The following SRGAP2 variants were observed in gnomAD, a reference collection of about 807,000 sequenced individuals.
SRGAP2 encodes SLIT-ROBO Rho GTPase-activating protein 2.
A neutral mutation model predicts 57.2 loss-of-function variants in SRGAP2; 15 were observed. The ratio of observed to expected loss-of-function variants is 0.26; its 90% CI spans 0.18 to 0.40. The LOEUF is 0.40. Ranked by LOEUF, SRGAP2 falls within the 10% of genes least tolerant of loss-of-function variation. The pLI, the probability that SRGAP2 is intolerant of heterozygous loss-of-function variation, is 1.00. For missense variants in SRGAP2, 520 were observed against 669.6 expected (o/e 0.78, Z 2.47); for synonymous variants, 249 against 248.0 (o/e 1.00, Z -0.04).
In SRGAP2 at chr1:206,304,669, G is replaced by A. The variant is rs1392777419; in HGVS notation, c.260+1196G>A. ...ATCTGCCTGCTCCATTGTGATCGGA[G>A]TTAATCTTCCTGGAACACACTGGCG... On this transcript the variant is annotated intron_variant, in intron 3 of 22. Transcript: ENST00000573034. Among the ~76,000 whole-genome samples the A allele has an allele frequency of 6.0e-5, 9 of 149,204 alleles. No homozygotes were observed. The South Asian group carries it at 1.9e-3, about 32-fold the overall frequency.
At chr1:206,426,700 G>T (rs1660829659) in intron 13 of SRGAP2, among the ~76,000 whole-genome samples, 2 of 152,196 alleles carry the variant, frequency 1.3e-5, no homozygotes, top group South Asian at 4.2e-4. Context: ...TTAAAAATTT[G>T]CATTTCTTAT....
rs1676644483 is a variant in SRGAP2 at position 206,358,622 on chromosome 1, C to T, written c.423+15614C>T. On this transcript the variant is annotated intron_variant, in intron 4 of 22. Coordinates refer to ENST00000573034, the MANE Select transcript of SRGAP2 (RefSeq NM_015326.5). ...TAGAAAAAGCATTCTCTTTTTGCTGCTCTCAGAGTCAGTGGTCTTTCTGGA... is the reference window on the plus strand; with the variant it reads ...TAGAAAAAGCATTCTCTTTTTGCTGTTCTCAGAGTCAGTGGTCTTTCTGGA... Among the ~76,000 whole-genome samples the T allele has an allele frequency of 2.7e-5, 4 of 150,042 alleles. No individual in the cohort carries two copies. In the South Asian group the frequency reaches 8.4e-4, roughly 32 times the overall value.
chr1:206,290,493 T>C (rs1217855779), intron 2 of SRGAP2, among the ~76,000 whole-genome samples: 1 of 151,444 alleles, frequency 6.6e-6, no homozygotes, highest in East Asian at 1.9e-4. Context: ...TACAAAAAAA[T>C]TGGCCCGGCG....
At chr1:206,339,791 C>CT (rs1320772678) in intron 3 of SRGAP2, among the ~76,000 whole-genome samples, 18 of 149,852 alleles carry the variant, frequency 1.2e-4, no homozygotes, top group South Asian at 2.1e-4. Context: ...GTTCTTTTTT[C>CT]TTTTTTTTCT....
At position 206,458,373 on chromosome 1, in the gene SRGAP2, A is replaced by G. The variant is rs1553379143; in HGVS notation, c.2508-250A>G. 5.9e-6 allele frequency: 4 copies of G among 673,878 alleles called. No homozygotes were observed. The Admixed American group carries it at 6.2e-5, about 10-fold the overall frequency. 41.7% of individuals were successfully genotyped at this position (673,878 alleles called of 1,614,324 possible). On this transcript the variant is annotated intron_variant, in intron 21 of 22. Transcript: ENST00000573034. ...TAATCAGACATTTTTTCTGACAGCA[A>G]CTTACATCTTGACAACACAAAGCCC...
intron 14 of SRGAP2, among the ~76,000 whole-genome samples, chr1:206,435,726 C>T (rs965951826): frequency 9.8e-5 from 15 of 152,328 alleles, no homozygotes; most frequent in African/African-American, 3.6e-4. Context: ...CTGACTATCA[C>T]TCATCAATCC....
chr1:206,254,710 G>A (rs1669079219), intron 2 of SRGAP2, among the ~76,000 whole-genome samples: 1 of 150,058 alleles, frequency 6.7e-6, no homozygotes, highest in South Asian at 2.1e-4. Flanking sequence ...ATTCCTTTTA[G>A]TAGAGAACAC....
Position 206,257,806 on chromosome 1 carries a change from A to C in SRGAP2, c.68-45475A>C, listed in dbSNP as rs1355121935. 3.6e-5 allele frequency among the ~76,000 whole-genome samples: 5 copies of C among 138,542 alleles called. No individual in the cohort carries two copies. The South Asian group carries it at 1.3e-3, about 36-fold the overall frequency. 90.9% of individuals were successfully genotyped at this position (138,542 alleles called of 152,430 possible). On this transcript the variant is annotated intron_variant, in intron 2 of 22. Transcript: ENST00000573034. Reference sequence around the variant, plus strand: ...ATATTTTTTCAGATGGTGATAAGTAATTTGAAAAAATAAATAAATAGAGCT... The same window carrying C: ...ATATTTTTTCAGATGGTGATAAGTACTTTGAAAAAATAAATAAATAGAGCT...
intron 10 of SRGAP2, among the ~76,000 whole-genome samples, chr1:206,415,396 T>C (rs1659605117): frequency 6.6e-6 from 1 of 152,196 alleles, no homozygotes; most frequent in South Asian, 2.1e-4. Context: ...CTGTTGAGGA[T>C]ATGGCTCAAA....
At chr1:206,309,237 C>T (rs1248546990) in intron 3 of SRGAP2, among the ~76,000 whole-genome samples, 2 of 148,930 alleles carry the variant, frequency 1.3e-5, no homozygotes, top group African/African-American at 5.0e-5. Context: ...GTGAAAAGAG[C>T]TTTAGTAGAG....
At chr1:206,356,801 A>G (rs1174817404) in intron 4 of SRGAP2, among the ~76,000 whole-genome samples, 3 of 144,216 alleles carry the variant, frequency 2.1e-5, no homozygotes, top group South Asian at 2.2e-4. Flanking sequence ...TCCTTACAAT[A>G]CTGGACTTTC....
intron 18 of SRGAP2, among the ~76,000 whole-genome samples, chr1:206,449,676 A>G (rs1163105932): frequency 6.6e-6 from 1 of 152,090 alleles, no homozygotes; most frequent in African/African-American, 2.4e-5. Context: ...CCTGTAGCCC[A>G]TAGCAGATTA....
intron 17 of SRGAP2, among the ~76,000 whole-genome samples, chr1:206,441,357 A>G (rs1553371987): frequency 6.6e-6 from 1 of 152,148 alleles, no homozygotes; most frequent in Non-Finnish European, 1.5e-5. Context: ...TGTGTCTACA[A>G]CAAAGGTCTG....
intron 2 of SRGAP2, among the ~76,000 whole-genome samples, chr1:206,213,067 T>C (rs1666414858): frequency 1.3e-5 from 2 of 152,038 alleles, no homozygotes; most frequent in South Asian, 4.2e-4. Context: ...GGCAGGCACC[T>C]GTAATCCCAG....
intron 4 of SRGAP2, among the ~76,000 whole-genome samples, chr1:206,374,895 A>G (rs533874120): frequency 7.4e-5 from 2 of 26,920 alleles, no homozygotes; most frequent in African/African-American, 3.3e-4. Context: ...CTCTTTCTTA[A>G]AAGTATTTAA....
chr1:206,436,139 G>A (rs371440414), intron 14 of SRGAP2, among the ~76,000 whole-genome samples: 1 of 151,898 alleles, frequency 6.6e-6, no homozygotes, highest in Non-Finnish European at 1.5e-5. Flanking sequence ...TTTATGTGTG[G>A]CCCAAGACAA....
intron 3 of SRGAP2, among the ~76,000 whole-genome samples, chr1:206,303,869 G>GTC (rs1280432631): frequency 6.1e-4 from 81 of 133,610 alleles, no homozygotes; most frequent in South Asian, 1.9e-3. Flanking sequence ...CTTAATCTCT[G>GTC]TCTCTCTCTC....
At chr1:206,217,353 A>G (rs1553303590) in intron 2 of SRGAP2, among the ~76,000 whole-genome samples, 1 of 150,904 alleles carries the variant, frequency 6.6e-6, no homozygotes, top group East Asian at 2.0e-4. Flanking sequence ...GCGTTGAGCT[A>G]CAGGATTCTA....
intron 2 of SRGAP2, among the ~76,000 whole-genome samples, chr1:206,280,935 C>G (rs1471940772): frequency 1.3e-5 from 2 of 152,200 alleles, no homozygotes; most frequent in Non-Finnish European, 2.9e-5. Flanking sequence ...TTACTGTGAG[C>G]CTTAGCTGAC....
Sources: allele counts gnomAD v4.1 joint callset (sites outside exome capture counted in the v4.1 genomes callset), GRCh38; gene constraint gnomAD v4.1.1; transcripts MANE v1.5; gene names NCBI Gene and HGNC (gene_info 2026-07-23, HGNC 2026-07-21).